Variants in MKLN1 observed in about 807,000 individuals in gnomAD.
The protein encoded by MKLN1 is muskelin.
Under a neutral mutation model 99.0 loss-of-function variants are expected in MKLN1, and 18 were observed. The observed-to-expected ratio is 0.18, with a 90% confidence interval of 0.13 to 0.27. MKLN1 has a LOEUF of 0.27. Among genes scored for constraint, MKLN1 ranks in the 10% least tolerant of loss-of-function variants. The pLI, the probability that MKLN1 is intolerant of heterozygous loss-of-function variation, is 1.00. For synonymous variants in MKLN1, 288 were observed against 293.2 expected (o/e 0.98, Z 0.18); for missense variants, 621 against 875.9 (o/e 0.71, Z 3.67).
At chr7:131,430,395 A>G (rs1056509150) in intron 9 of MKLN1, among the ~76,000 whole-genome samples, 1 of 152,164 alleles carries the variant, frequency 6.6e-6, no homozygotes, top group African/African-American at 2.4e-5. Context: ...TTCCTGTTTC[A>G]GTATTGAAGT....
intron 1 of MKLN1, among the ~76,000 whole-genome samples, chr7:131,359,055 G>T: frequency 6.6e-6 from 1 of 151,674 alleles, no homozygotes; most frequent in African/African-American, 2.4e-5. Context: ...TATTTTTTCT[G>T]CTTTGTTTAT....
chr7:131,427,389 A>G (rs941312545), intron 8 of MKLN1, among the ~76,000 whole-genome samples: 4 of 152,206 alleles, frequency 2.6e-5, no homozygotes, highest in African/African-American at 4.8e-5. Context: ...GACAGCTTCC[A>G]TATGTACAGG....
chr7:131,415,546 A>G (rs935521214), intron 8 of MKLN1, among the ~76,000 whole-genome samples: 21 of 152,324 alleles, frequency 1.4e-4, no homozygotes, highest in Non-Finnish European at 2.9e-4. Context: ...TTTAAAATTA[A>G]AAGCTAAATT....
At chr7:131,202,609 C>G (rs577829918) in intron 2 of MKLN1, among the ~76,000 whole-genome samples, 2 of 152,250 alleles carry the variant, frequency 1.3e-5, no homozygotes, top group East Asian at 3.9e-4. Flanking sequence ...ATAGGATGTT[C>G]AACAGCAGCA....
chr7:131,242,699 C>A, intron 3 of MKLN1: 1 of 666,958 alleles, frequency 1.5e-6, no homozygotes, highest in Non-Finnish European at 2.8e-6. Context: ...CCTTAGATCG[C>A]CCCTACAGCC....
chr7:131,356,109 A>G (rs1361649824), intron 1 of MKLN1, among the ~76,000 whole-genome samples: 3 of 149,304 alleles, frequency 2.0e-5, no homozygotes, highest in Admixed American at 6.7e-5. Flanking sequence ...GGAAAGGAGC[A>G]AAGTACAACT....
chr7:131,373,630 G>T (rs1393433327), intron 1 of MKLN1, among the ~76,000 whole-genome samples: 2 of 152,008 alleles, frequency 1.3e-5, no homozygotes, highest in Non-Finnish European at 2.9e-5. Flanking sequence ...TTTAAAAATA[G>T]AATTTTTATT....
chr7:131,117,158 G>A (rs560494308), intron 1 of MKLN1, among the ~76,000 whole-genome samples: 8 of 150,958 alleles, frequency 5.3e-5, no homozygotes, highest in East Asian at 3.9e-4. Context: ...GAGGCTGGGC[G>A]CGGTGGCTCA....
At chr7:131,206,534 A>AATTATTATTATTATTATT (rs559998648) in intron 3 of MKLN1, among the ~76,000 whole-genome samples, 28 of 148,348 alleles carry the variant, frequency 1.9e-4, no homozygotes, top group African/African-American at 6.7e-4. Flanking sequence ...GTATGTGTAT[A>AATTATTATTATTATTATT]ATTATTATTA....
At chr7:131,342,850 T>C (rs901282723) in intron 1 of MKLN1, among the ~76,000 whole-genome samples, 2 of 152,244 alleles carry the variant, frequency 1.3e-5, no homozygotes, top group Non-Finnish European at 2.9e-5. Context: ...AAAAAATGTA[T>C]ATTTTTATTG....
At chr7:131,268,112 G>A (rs1458151918) in intron 3 of MKLN1, among the ~76,000 whole-genome samples, 1 of 152,198 alleles carries the variant, frequency 6.6e-6, no homozygotes, top group Non-Finnish European at 1.5e-5. Flanking sequence ...CTAGTTTGGA[G>A]ATGGTTATTC....
intron 3 of MKLN1, among the ~76,000 whole-genome samples, chr7:131,288,644 C>T (rs1243383277): frequency 1.3e-5 from 2 of 152,232 alleles, no homozygotes; most frequent in Non-Finnish European, 2.9e-5. Flanking sequence ...TGATTCAGCA[C>T]ACAGTGCCGC....
intron 5 of MKLN1, 42 bp downstream of exon 5, chr7:131,397,418 G>A: frequency 3.1e-6 from 3 of 957,590 alleles, no homozygotes; most frequent in Admixed American, 2.4e-5. Context: ...GCCTATAAAA[G>A]GAGAAATATG....
intron 2 of MKLN1, among the ~76,000 whole-genome samples, chr7:131,199,801 C>A (rs1208168646): frequency 6.6e-6 from 1 of 152,168 alleles, no homozygotes; most frequent in East Asian, 1.9e-4. Context: ...TCAAGTGATT[C>A]TCGTGTCTCA....
chr7:131,121,455 G>A (rs796192242), intron 1 of MKLN1, among the ~76,000 whole-genome samples: 11 of 151,928 alleles, frequency 7.2e-5, no homozygotes, highest in African/African-American at 1.9e-4. Flanking sequence ...TGGTGAACAC[G>A]GTGAAACCTC....
chr7:131,203,742 G>C (rs1796764161), intron 3 of MKLN1, among the ~76,000 whole-genome samples: 1 of 152,098 alleles, frequency 6.6e-6, no homozygotes, highest in African/African-American at 2.4e-5. Context: ...TGCCTGGAGA[G>C]TCGGCTTCTC....
At chr7:131,168,869 C>CT (rs61416767) in intron 2 of MKLN1, among the ~76,000 whole-genome samples, 37,727 of 139,114 alleles carry the variant, frequency 0.27, 5,316 homozygotes, top group East Asian at 0.57. Flanking sequence ...TCGTTGTTTT[C>CT]TTTTTTTTTT....
In MKLN1 at chr7:131,464,403, C is replaced by T. The variant is rs1796601099; in HGVS notation, c.1783C>T (p.His595Tyr). ...CCATCAGCTTGTATACGATGAGCTACACAAGGTATCCTAACTACATTGACC... is the reference window on the plus strand; with the variant it reads ...CCATCAGCTTGTATACGATGAGCTATACAAGGTATCCTAACTACATTGACC... ...FAHQLVYDEL[H>Y]KVHYLFGGNP... Residue 595 changes from histidine to tyrosine, a missense_variant, in exon 14 of 18, where the codon CAC becomes TAC. By Grantham distance (83) the His-to-Tyr change is moderately conservative. Coordinates refer to ENST00000352689, the MANE Select transcript of MKLN1 (RefSeq NM_013255.5). The T allele has an allele frequency of 3.8e-6, 6 of 1,594,924 alleles. No individual in the cohort carries two copies. The highest frequency in any genetic ancestry group is 2.2e-5 in the South Asian group (2 of 90,654).
intron 3 of MKLN1, among the ~76,000 whole-genome samples, chr7:131,269,651 G>A (rs891907256): frequency 1.1e-4 from 16 of 152,108 alleles, no homozygotes; most frequent in South Asian, 6.2e-4. Flanking sequence ...TCATGACTCC[G>A]TTACTGTTTG....
Sources: gnomAD v4.1 joint callset for allele counts (sites outside exome capture counted in the v4.1 genomes callset) on GRCh38, gnomAD v4.1.1 for gene constraint, MANE v1.5 for transcripts, NCBI Gene and HGNC (gene_info 2026-07-23, HGNC 2026-07-21) for gene names.